ZCCHC14: variants seen among roughly 807,000 people sequenced by gnomAD.
ZCCHC14 encodes the protein zinc finger CCHC-type containing 14.
ZCCHC14 carries 16 observed loss-of-function variants against 85.0 expected under a neutral mutation model. The ratio of observed to expected loss-of-function variants is 0.19; its 90% CI spans 0.13 to 0.29. The LOEUF (loss-of-function observed/expected upper bound fraction) is 0.29. ZCCHC14 is among the 10% of genes least tolerant of loss of function. ZCCHC14 has a pLI of 1.00. For missense variants in ZCCHC14, 1,303 were observed against 1,443.5 expected (o/e 0.90, Z 1.58); for synonymous variants, 775 against 630.7 (o/e 1.23, Z -3.43).
chr16:87,485,613 A>C (rs1399961587), intron 1 of ZCCHC14, among the ~76,000 whole-genome samples: 1 of 151,124 alleles, frequency 6.6e-6, no homozygotes, highest in Non-Finnish European at 1.5e-5. Flanking sequence ...AAAAAGAAGA[A>C]GAATCTTTTT....
At chr16:87,444,780 A>G (rs1910353600) in intron 2 of ZCCHC14, among the ~76,000 whole-genome samples, 1 of 152,214 alleles carries the variant, frequency 6.6e-6, no homozygotes, top group Admixed American at 6.5e-5. Context: ...TGAAGGATAC[A>G]AAGGAGGCCA....
chr16:87,460,181 G>A (rs1338327582), intron 1 of ZCCHC14, 50 bp from the exon 2 acceptor site: 3 of 1,589,006 alleles, frequency 1.9e-6, no homozygotes, highest in African/African-American at 1.4e-5. Context: ...GGAGTTAATA[G>A]GGGACAATTT....
Position 87,430,999 on chromosome 16 carries a change from G to C in ZCCHC14, c.768+2129C>G, listed in dbSNP as rs567070645. Among the ~76,000 whole-genome samples the C allele has an allele frequency of 2.0e-5, 3 of 152,198 alleles. No homozygotes were observed. The South Asian group carries it at 6.2e-4, about 32-fold the overall frequency. On this transcript the variant is annotated intron_variant, in intron 3 of 12. Transcript: ENST00000671377. ...CACAAAAGTACAAAAAATTAGCTGG[G>C]TATGGTGGCATGTGCCTGTGGTCCC...
At chr16:87,481,556 GGT>G (rs1912278796) in intron 1 of ZCCHC14, among the ~76,000 whole-genome samples, 1 of 76,372 alleles carries the variant, frequency 1.3e-5, no homozygotes, top group African/African-American at 4.6e-5. Context: ...GGGGGGGAAG[GGT>G]AAGCGGGAGG....
intron 1 of ZCCHC14, among the ~76,000 whole-genome samples, chr16:87,478,601 T>G (rs1912128238): frequency 7.0e-6 from 1 of 142,162 alleles, no homozygotes; most frequent in African/African-American, 2.9e-5. Flanking sequence ...AGTATCTCAT[T>G]AATTTTACTA....
intron 1 of ZCCHC14, among the ~76,000 whole-genome samples, chr16:87,483,189 G>A (rs1912363662): frequency 1.3e-5 from 2 of 151,704 alleles, no homozygotes; most frequent in Admixed American, 1.3e-4. Flanking sequence ...CAGGCGCAGT[G>A]GCTCACACCT....
intron 2 of ZCCHC14, among the ~76,000 whole-genome samples, chr16:87,439,330 G>A (rs1910077200): frequency 6.6e-6 from 1 of 151,970 alleles, no homozygotes. Context: ...GATGGGGGTT[G>A]CACTATGTTG....
chr16:87,409,892 C>T lies in ZCCHC14; in HGVS notation c.*388G>A, dbSNP rs1262914180. The T allele has an allele frequency of 6.0e-6, 1 of 167,342 alleles. No homozygotes were observed. The highest frequency in any genetic ancestry group is 1.3e-5 in the Non-Finnish European group (1 of 78,056). 10.4% of individuals were successfully genotyped at this position (167,342 alleles called of 1,614,324 possible). On this transcript the variant is annotated 3_prime_UTR_variant, in exon 13 of 13. Coordinates refer to ENST00000671377, the MANE Select transcript of ZCCHC14 (RefSeq NM_015144.3). ...GGTGTCAGGAGTCCGGCGGGTGGAA[C>T]TCCACTTGGAGAACTCCAAGCTCGG...
chr16:87,490,881 C>T (rs1912724481), intron 1 of ZCCHC14, among the ~76,000 whole-genome samples: 1 of 152,226 alleles, frequency 6.6e-6, no homozygotes, highest in Admixed American at 6.5e-5. Context: ...CATAAATGAG[C>T]TCACACGGAC....
At chr16:87,448,596 T>A (rs1910548016) in intron 2 of ZCCHC14, among the ~76,000 whole-genome samples, 1 of 152,170 alleles carries the variant, frequency 6.6e-6, no homozygotes, top group African/African-American at 2.4e-5. Flanking sequence ...ATCTCCACAT[T>A]CGGCAATCCT....
At chr16:87,453,043 C>G (rs1227604547) in intron 2 of ZCCHC14, among the ~76,000 whole-genome samples, 1 of 152,178 alleles carries the variant, frequency 6.6e-6, no homozygotes, top group Non-Finnish European at 1.5e-5. Context: ...TGGACACAGC[C>G]TGGGAGGGGA....
chr16:87,487,562 C>A (rs8059323), intron 1 of ZCCHC14, among the ~76,000 whole-genome samples: 1 of 152,248 alleles, frequency 6.6e-6, no homozygotes, highest in African/African-American at 2.4e-5. Context: ...CACACGGCAC[C>A]TAGCAATCCA....
At chr16:87,463,091 A>C (rs191680588) in intron 1 of ZCCHC14, among the ~76,000 whole-genome samples, 2 of 151,032 alleles carry the variant, frequency 1.3e-5, no homozygotes, top group East Asian at 4.0e-4. Context: ...AAAAAGAAAA[A>C]AGAAACACAG....
intron 1 of ZCCHC14, among the ~76,000 whole-genome samples, chr16:87,490,150 A>G (rs1357302963): frequency 1.3e-5 from 2 of 152,224 alleles, no homozygotes; most frequent in Non-Finnish European, 1.5e-5. Flanking sequence ...ACAAAAATCA[A>G]TTTAAAAAAA....
chr16:87,433,832 T>C (rs1310104850), intron 2 of ZCCHC14, among the ~76,000 whole-genome samples: 1 of 152,014 alleles, frequency 6.6e-6, no homozygotes, highest in Non-Finnish European at 1.5e-5. Context: ...TTAGAAGAGA[T>C]GGGGTTTTGC....
At chr16:87,454,605 A>G (rs1910862501) in intron 2 of ZCCHC14, among the ~76,000 whole-genome samples, 1 of 152,270 alleles carries the variant, frequency 6.6e-6, no homozygotes. Context: ...ACTGCAGTGA[A>G]AGAAATGTGA....
At chr16:87,426,505 C>G (rs1909379272) in intron 3 of ZCCHC14, among the ~76,000 whole-genome samples, 1 of 152,262 alleles carries the variant, frequency 6.6e-6, no homozygotes, top group African/African-American at 2.4e-5. Context: ...CGTGCATGCT[C>G]AGGATGTCCT....
chr16:87,433,845 T>C (rs1202985480), intron 2 of ZCCHC14, among the ~76,000 whole-genome samples: 1 of 151,644 alleles, frequency 6.6e-6, no homozygotes, highest in African/African-American at 2.4e-5. Context: ...GGTTTTGCCA[T>C]GTTGGCCAAG....
At chr16:87,469,399 T>C (rs1162153606) in intron 1 of ZCCHC14, among the ~76,000 whole-genome samples, 2 of 152,338 alleles carry the variant, frequency 1.3e-5, no homozygotes, top group East Asian at 3.9e-4. Flanking sequence ...CAGAATCAAG[T>C]GCAGACTTTA....
Sources: allele counts gnomAD v4.1 joint callset (sites outside exome capture counted in the v4.1 genomes callset), GRCh38; gene constraint gnomAD v4.1.1; transcripts MANE v1.5; gene names NCBI Gene and HGNC (gene_info 2026-07-23, HGNC 2026-07-21).